Variants in ZBTB46 observed in about 807,000 individuals in gnomAD.
ZBTB46 encodes zinc finger and BTB domain containing 46.
Under a neutral mutation model 44.1 loss-of-function variants are expected in ZBTB46, and 8 were observed. That is an observed-to-expected ratio of 0.18 (90% confidence interval 0.11 to 0.33). The LOEUF is 0.33. Among genes scored for constraint, ZBTB46 ranks in the 10% least tolerant of loss-of-function variants. The probability of loss-of-function intolerance (pLI) is 1.00; values close to 1 mark genes in which losing one functional copy is unlikely to be tolerated. For synonymous variants in ZBTB46, 409 were observed against 382.3 expected (o/e 1.07, Z -0.81); for missense variants, 651 against 847.7 (o/e 0.77, Z 2.88).
chr20:63,781,770 C>T (rs1245030383), intron 2 of ZBTB46, among the ~76,000 whole-genome samples: 2 of 146,982 alleles, frequency 1.4e-5, no homozygotes, highest in Non-Finnish European at 1.5e-5. Context: ...CCAGCCTGGA[C>T]AACAGAGCGA....
upstream of ZBTB46, among the ~76,000 whole-genome samples, chr20:63,833,068 G>A (rs2092859956): frequency 6.6e-6 from 1 of 152,284 alleles, no homozygotes; most frequent in South Asian, 2.1e-4. Context: ...GAGAACCCCA[G>A]TCTCTCCCAA....
At position 63,744,128 on chromosome 20, in the gene ZBTB46, C is replaced by T. The variant is rs1371088321; in HGVS notation, c.*2802G>A. On this transcript the variant is annotated 3_prime_UTR_variant, in exon 5 of 5. Coordinates refer to ENST00000245663, the MANE Select transcript of ZBTB46 (RefSeq NM_001369741.1). The stretch of plus-strand genomic sequence containing the variant: ...ATATAAGATCTAAAAAAAACCACCA[C>T]CATTAAGTATGGCTTTCTTAAGAGT... The T allele has an allele frequency of 6.6e-6, 1 of 152,252 alleles. No individual in the cohort carries two copies. The highest frequency in any genetic ancestry group is 2.4e-5 in the African/African-American group (1 of 41,434). 9.4% of individuals were successfully genotyped at this position (152,252 alleles called of 1,614,324 possible). A position where few individuals can be genotyped will look rare whatever the true frequency, so the allele number is the denominator to read the frequency against.
intron 1 of ZBTB46, among the ~76,000 whole-genome samples, chr20:63,791,192 AG>A (rs1450524706): frequency 6.6e-6 from 1 of 152,200 alleles, no homozygotes; most frequent in Non-Finnish European, 1.5e-5. Context: ...AACATTCTTA[AG>A]GAAAAAGAAT....
chr20:63,830,605 G>A, intron 1 of ZBTB46, among the ~76,000 whole-genome samples: 1 of 150,062 alleles, frequency 6.7e-6, no homozygotes. Flanking sequence ...GGCTCCGGGT[G>A]CGGCTGGGCT....
rs1244091726 is a variant in ZBTB46, at chr20:63,745,622, AC to A, written c.*1307del. 6.6e-6 allele frequency: 1 copy of A among 152,348 alleles called. No individual in the cohort carries two copies. The highest frequency in any genetic ancestry group is 1.5e-5 in the Non-Finnish European group (1 of 68,084). 9.4% of individuals were successfully genotyped at this position (152,348 alleles called of 1,614,324 possible). On this transcript the variant is annotated 3_prime_UTR_variant, in exon 5 of 5. Transcript: ENST00000245663. ...CCCACCTCCCATCTGAAGGCACAGC[AC>A]CGCAGTGGTGGCCTGTGCCAGAGGA... is the stretch of plus-strand genomic sequence containing the variant.
rs2092179184 is a variant in ZBTB46, at chr20:63,752,586, G to A, written c.1398+100C>T. 2.2e-6 allele frequency: 3 copies of A among 1,342,858 alleles called. No individual in the cohort carries two copies. The highest frequency in any genetic ancestry group is 1.5e-5 in the African/African-American group (1 of 66,396). 83.2% of individuals were successfully genotyped at this position (1,342,858 alleles called of 1,614,324 possible). A position where few individuals can be genotyped will look rare whatever the true frequency, so the allele number is the denominator to read the frequency against. ...CGTCCCCCCTGTGCAGAGTGGACCC[G>A]GTGTGGGGTCCGGGGCGGTCTGCGC... On this transcript the variant is annotated intron_variant, in intron 4 of 4. Transcript: ENST00000245663. The surrounding 1 kb of genome is among the most constrained non-coding windows in gnomAD (Gnocchi z 5.6).
At chr20:63,828,101 G>A (rs6122193) in intron 1 of ZBTB46, among the ~76,000 whole-genome samples, 3 of 152,168 alleles carry the variant, frequency 2.0e-5, no homozygotes, top group Admixed American at 6.5e-5. Context: ...ACCACTTTTA[G>A]GTTGTTAAAA....
At chr20:63,789,291 G>A (rs2092540514) in intron 2 of ZBTB46, among the ~76,000 whole-genome samples, 1 of 152,166 alleles carries the variant, frequency 6.6e-6, no homozygotes, top group African/African-American at 2.4e-5. Flanking sequence ...GAGCCACCAA[G>A]GACAAAGTAC....
upstream of ZBTB46, among the ~76,000 whole-genome samples, chr20:63,832,477 C>T (rs1322710771): frequency 6.6e-6 from 1 of 152,196 alleles, no homozygotes; most frequent in Non-Finnish European, 1.5e-5. The surrounding 1 kb of genome is among the most constrained non-coding windows in gnomAD (Gnocchi z 5.0). Context: ...GGCGGCGGCC[C>T]TATGGGTGCT....
intron 1 of ZBTB46, among the ~76,000 whole-genome samples, chr20:63,824,523 C>G (rs2092809841): frequency 6.6e-6 from 1 of 152,052 alleles, no homozygotes; most frequent in African/African-American, 2.4e-5. Context: ...AAGCCCTGAA[C>G]CACGCCCTTT....
At chr20:63,759,051 T>C (rs866453746) in intron 3 of ZBTB46, among the ~76,000 whole-genome samples, 2 of 152,106 alleles carry the variant, frequency 1.3e-5, no homozygotes, top group African/African-American at 2.4e-5. Context: ...ATCTTAACAA[T>C]AGTGAGTCTT....
chr20:63,766,964 C>T (rs1228857001), intron 3 of ZBTB46, among the ~76,000 whole-genome samples: 1 of 152,144 alleles, frequency 6.6e-6, no homozygotes, highest in African/African-American at 2.4e-5. Flanking sequence ...GATGCCTATC[C>T]CCCTCCTGAG....
chr20:63,778,202 C>T (rs1196591390), intron 2 of ZBTB46, among the ~76,000 whole-genome samples: 1 of 152,092 alleles, frequency 6.6e-6, no homozygotes, highest in Non-Finnish European at 1.5e-5. Flanking sequence ...CTCAGTAAAG[C>T]TTCTATTTAA....
At chr20:63,823,557 C>T (rs908432293) in intron 1 of ZBTB46, among the ~76,000 whole-genome samples, 3 of 151,204 alleles carry the variant, frequency 2.0e-5, no homozygotes, top group African/African-American at 4.9e-5. Context: ...AAAAATTGGC[C>T]GGGTGTGGTG....
chr20:63,819,928 A>C (rs566165558), intron 1 of ZBTB46, among the ~76,000 whole-genome samples: 1 of 152,344 alleles, frequency 6.6e-6, no homozygotes, highest in African/African-American at 2.4e-5. Context: ...TCTACATACA[A>C]ACTAAAATAA....
intron 1 of ZBTB46, among the ~76,000 whole-genome samples, chr20:63,830,558 T>TC (rs1327463978): frequency 6.7e-6 from 1 of 149,232 alleles, no homozygotes; most frequent in Non-Finnish European, 1.5e-5. Context: ...CGCGCCCACC[T>TC]CCCGCAGTTC....
chr20:63,830,560 C>CCG (rs2092844104), intron 1 of ZBTB46, among the ~76,000 whole-genome samples: 1 of 150,408 alleles, frequency 6.6e-6, no homozygotes, highest in South Asian at 2.1e-4. Context: ...CGCCCACCTC[C>CCG]CGCAGTTCCG....
chr20:63,763,061 A>G (rs1295407129), intron 3 of ZBTB46, among the ~76,000 whole-genome samples: 2 of 152,122 alleles, frequency 1.3e-5, no homozygotes, highest in African/African-American at 4.8e-5. Flanking sequence ...GGTCTTGCTA[A>G]GTTGCCCAGG....
At chr20:63,825,270 G>A (rs757285686) in intron 1 of ZBTB46, among the ~76,000 whole-genome samples, 49 of 151,620 alleles carry the variant, frequency 3.2e-4, no homozygotes, top group Non-Finnish European at 4.4e-4. Flanking sequence ...GCGTGGTGGC[G>A]GATGCCCATA....
Sources: allele counts gnomAD v4.1 joint callset (sites outside exome capture counted in the v4.1 genomes callset), GRCh38; gene constraint gnomAD v4.1.1; non-coding constraint Gnocchi (gnomAD v3.1); transcripts MANE v1.5; gene names NCBI Gene and HGNC (gene_info 2026-07-23, HGNC 2026-07-21).